TBL1XR1: variants seen among roughly 807,000 people sequenced by gnomAD.
The protein encoded by TBL1XR1 is F-box-like/WD repeat-containing protein TBL1XR1.
In TBL1XR1, 5 loss-of-function variants were observed where a neutral mutation model predicts 66.9. The observed-to-expected ratio is 0.07, with a 90% CI of 0.04 to 0.16. TBL1XR1 has a LOEUF of 0.16. Among genes scored for constraint, TBL1XR1 ranks in the 10% least tolerant of loss-of-function variants. The pLI, the probability that TBL1XR1 is intolerant of heterozygous loss-of-function variation, is 1.00. For missense variants in TBL1XR1, 238 were observed against 623.2 expected (o/e 0.38, Z 6.58); for synonymous variants, 210 against 206.0 (o/e 1.02, Z -0.17).
rs147022216 is a variant in TBL1XR1 at position 177,081,874 on chromosome 3, T to C, written c.-46+16592A>G. On this transcript the variant is annotated intron_variant, in intron 2 of 15. Transcript: ENST00000457928. ...TAATATACAATATAAAATTTAAGTC[T>C]AACTGAACTATTGTTTCTGTTTGGG... 9.8e-4 allele frequency among the ~76,000 whole-genome samples: 149 copies of C among 152,248 alleles called. 1 individual carries two copies. The highest frequency in any genetic ancestry group is 3.4e-3 in the African/African-American group (143 of 41,556).
intron 1 of TBL1XR1, among the ~76,000 whole-genome samples, chr3:177,117,543 T>C (rs1726447958): frequency 6.6e-6 from 1 of 152,126 alleles, no homozygotes; most frequent in Non-Finnish European, 1.5e-5. Flanking sequence ...CCATTCAGCG[T>C]AGTTCCTTAT....
intron 1 of TBL1XR1, among the ~76,000 whole-genome samples, chr3:177,188,706 C>T (rs1407344973): frequency 6.6e-6 from 1 of 152,186 alleles, no homozygotes; most frequent in East Asian, 1.9e-4. Context: ...TTCCTCCTCC[C>T]TCATCCCTCA....
chr3:177,182,331 G>A (rs572657147), intron 1 of TBL1XR1, among the ~76,000 whole-genome samples: 1 of 152,262 alleles, frequency 6.6e-6, no homozygotes, highest in Non-Finnish European at 1.5e-5. Context: ...GCTGCAGTGA[G>A]CCATGACCGT....
intron 1 of TBL1XR1, among the ~76,000 whole-genome samples, chr3:177,140,415 A>G (rs1729502750): frequency 6.6e-6 from 1 of 152,244 alleles, no homozygotes; most frequent in Admixed American, 6.5e-5. Context: ...AAGCAGTCTC[A>G]TCCACCACAC....
chr3:177,047,251 A>G (rs1716450238), intron 9 of TBL1XR1, 49 bp downstream of exon 9: 1 of 1,451,260 alleles, frequency 6.9e-7, no homozygotes, highest in Non-Finnish European at 9.3e-7. Context: ...ACTGCTTTCA[A>G]TTAAGCTCTG....
chr3:177,087,491 T>C (rs1278089689), intron 2 of TBL1XR1, among the ~76,000 whole-genome samples: 1 of 152,016 alleles, frequency 6.6e-6, no homozygotes, highest in Non-Finnish European at 1.5e-5. Flanking sequence ...TGCTAGTAAA[T>C]CATAGAAAAA....
chr3:177,034,542 A>C (rs1325080553), intron 12 of TBL1XR1, among the ~76,000 whole-genome samples: 1 of 152,200 alleles, frequency 6.6e-6, no homozygotes, highest in East Asian at 1.9e-4. Flanking sequence ...AGCCCTTTAA[A>C]AATATTCACT....
upstream of TBL1XR1, among the ~76,000 whole-genome samples, chr3:177,200,662 T>C (rs561538962): frequency 2.2e-4 from 34 of 152,228 alleles, no homozygotes; most frequent in Non-Finnish European, 3.8e-4. Flanking sequence ...AATGTGTTTC[T>C]AGAAAGGAGA....
intron 1 of TBL1XR1, among the ~76,000 whole-genome samples, chr3:177,144,920 T>G (rs898496671): frequency 6.6e-6 from 1 of 152,188 alleles, no homozygotes; most frequent in Non-Finnish European, 1.5e-5. Flanking sequence ...TCAATTATTT[T>G]AAATTATGGA....
chr3:177,061,742 C>A (rs1181833021), intron 3 of TBL1XR1, among the ~76,000 whole-genome samples: 1 of 152,122 alleles, frequency 6.6e-6, no homozygotes, highest in Non-Finnish European at 1.5e-5. Flanking sequence ...TAATTTATAT[C>A]GCATTTCTTA....
At chr3:177,085,741 T>C (rs1355793067) in intron 2 of TBL1XR1, among the ~76,000 whole-genome samples, 1 of 152,160 alleles carries the variant, frequency 6.6e-6, no homozygotes, top group East Asian at 1.9e-4. Flanking sequence ...AAAGAAAATT[T>C]TCCCAAAATA....
chr3:177,134,275 C>G (rs532891907), intron 1 of TBL1XR1, among the ~76,000 whole-genome samples: 213 of 152,152 alleles, frequency 1.4e-3, no homozygotes, highest in Non-Finnish European at 2.5e-3. Flanking sequence ...AACAAAAAAC[C>G]TGGAGTCAAG....
At chr3:177,176,263 C>T (rs992042950) in intron 1 of TBL1XR1, among the ~76,000 whole-genome samples, 6 of 151,450 alleles carry the variant, frequency 4.0e-5, no homozygotes, top group Non-Finnish European at 5.9e-5. Flanking sequence ...GGTGCGATCT[C>T]GGCTCACTGC....
intron 1 of TBL1XR1, among the ~76,000 whole-genome samples, chr3:177,118,893 CATA>C (rs1381965560): frequency 6.6e-6 from 1 of 152,142 alleles, no homozygotes; most frequent in African/African-American, 2.4e-5. Context: ...AGCAACTCCA[CATA>C]ATAACTCAAG....
intron 2 of TBL1XR1, among the ~76,000 whole-genome samples, chr3:177,073,601 T>C (rs535345720): frequency 1.3e-5 from 2 of 152,296 alleles, no homozygotes; most frequent in South Asian, 4.1e-4. Flanking sequence ...CTATCATGCA[T>C]GTAACAAATG....
chr3:177,053,371 C>T (rs1717367691), intron 4 of TBL1XR1, among the ~76,000 whole-genome samples: 1 of 152,178 alleles, frequency 6.6e-6, no homozygotes, highest in Non-Finnish European at 1.5e-5. Context: ...AAACAAACTA[C>T]TCACATGTAG....
chr3:177,111,055 A>G (rs1725492803), intron 1 of TBL1XR1, among the ~76,000 whole-genome samples: 1 of 152,166 alleles, frequency 6.6e-6, no homozygotes, highest in Admixed American at 6.5e-5. Context: ...AGAGAAAGCT[A>G]CAGGACAGGA....
At chr3:177,055,153 T>A (rs900368426) in intron 3 of TBL1XR1, among the ~76,000 whole-genome samples, 1 of 152,222 alleles carries the variant, frequency 6.6e-6, no homozygotes, top group African/African-American at 2.4e-5. Context: ...GTCTGTTGGC[T>A]AGCCTGTCTA....
chr3:177,077,402 G>A (rs1293174690), intron 2 of TBL1XR1, among the ~76,000 whole-genome samples: 1 of 152,060 alleles, frequency 6.6e-6, no homozygotes, highest in Non-Finnish European at 1.5e-5. Flanking sequence ...GAAAATGAGG[G>A]GCTTTTGGTG....
Sources: allele counts gnomAD v4.1 joint callset (sites outside exome capture counted in the v4.1 genomes callset), GRCh38; gene constraint gnomAD v4.1.1; transcripts MANE v1.5; gene names NCBI Gene and HGNC (gene_info 2026-07-23, HGNC 2026-07-21).